OPCML: variants seen among roughly 807,000 people sequenced by gnomAD.
OPCML encodes opioid-binding protein/cell adhesion molecule.
OPCML carries 13 observed loss-of-function variants against 37.8 expected under a neutral mutation model. The observed-to-expected ratio is 0.34, with a 90% confidence interval of 0.22 to 0.55. OPCML has a LOEUF of 0.55. Ranked by LOEUF, OPCML falls within the 20% of genes least tolerant of loss-of-function variation. The pLI is 0.91. For synonymous variants in OPCML, 176 were observed against 168.8 expected, an observed-to-expected ratio of 1.04 and a Z score of -0.33; for missense variants, 341 against 435.6, an observed-to-expected ratio of 0.78 and a Z score of 1.93.
chr11:132,653,790 G>T (rs1198908835), intron 3 of OPCML, among the ~76,000 whole-genome samples: 1 of 152,178 alleles, frequency 6.6e-6, no homozygotes, highest in East Asian at 1.9e-4. Flanking sequence ...TCTGCTGATG[G>T]CATCTGGTTG....
chr11:133,315,529 T>G (rs1943185273), intron 1 of OPCML, among the ~76,000 whole-genome samples: 1 of 152,256 alleles, frequency 6.6e-6, no homozygotes. Flanking sequence ...CTGGGTGTGG[T>G]GGCTCACGCC....
At position 133,309,095 on chromosome 11, in the gene OPCML, G is replaced by T. The variant is rs181681067; in HGVS notation, c.61+223169C>A. 6.1e-4 allele frequency among the ~76,000 whole-genome samples: 93 copies of T among 152,258 alleles called. 1 individual carries two copies. Among genetic ancestry groups the T allele is most frequent in the African/African-American group, 2.2e-3 (92 of 41,562 alleles). ...GAAGTTTACAGTAATGATTGCTTCAGACAAGAACCACTGATGAATACTCAA... is the reference window on the plus strand; with the variant it reads ...GAAGTTTACAGTAATGATTGCTTCATACAAGAACCACTGATGAATACTCAA... On this transcript the variant is annotated intron_variant, in intron 1 of 7. Transcript: ENST00000524381.
chr11:133,457,628 T>C (rs528715426), intron 1 of OPCML, among the ~76,000 whole-genome samples: 1 of 152,162 alleles, frequency 6.6e-6, no homozygotes, highest in South Asian at 2.1e-4. Context: ...ACCATATATA[T>C]ATATGGTCTC....
intron 1 of OPCML, among the ~76,000 whole-genome samples, chr11:133,392,276 A>G (rs982620547): frequency 6.6e-6 from 1 of 152,214 alleles, no homozygotes. Context: ...ATAAGATCAC[A>G]CAGTGAGAGA....
At chr11:133,071,659 G>T (rs1289007407) in intron 1 of OPCML, among the ~76,000 whole-genome samples, 1 of 152,198 alleles carries the variant, frequency 6.6e-6, no homozygotes. Context: ...GAGGTTAGAA[G>T]TGGAACAAGT....
intron 2 of OPCML, among the ~76,000 whole-genome samples, chr11:132,819,870 T>C (rs1939870662): frequency 6.6e-6 from 1 of 152,184 alleles, no homozygotes; most frequent in Admixed American, 6.5e-5. Flanking sequence ...TGGAGGCTGC[T>C]GTGCTGTTTG....
intron 4 of OPCML, among the ~76,000 whole-genome samples, chr11:132,453,858 C>T (rs2096074727): frequency 6.6e-6 from 1 of 152,182 alleles, no homozygotes; most frequent in South Asian, 2.1e-4. Flanking sequence ...CTGGAATTCA[C>T]ACTGCAGGTT....
chr11:132,838,906 T>C (rs747141900), intron 2 of OPCML, among the ~76,000 whole-genome samples: 33 of 152,286 alleles, frequency 2.2e-4, no homozygotes, highest in Non-Finnish European at 4.4e-4. Flanking sequence ...AGCCGATATA[T>C]GCTTGTTAAT....
intron 1 of OPCML, among the ~76,000 whole-genome samples, chr11:133,135,219 A>G (rs1949669050): frequency 6.6e-6 from 1 of 152,168 alleles, no homozygotes; most frequent in African/African-American, 2.4e-5. Flanking sequence ...ATTCATAACA[A>G]TAAATAACAG....
At chr11:132,502,138 C>G (rs1175469243) in intron 4 of OPCML, among the ~76,000 whole-genome samples, 2 of 152,190 alleles carry the variant, frequency 1.3e-5, no homozygotes, top group Non-Finnish European at 1.5e-5. Flanking sequence ...CCCAGAGGAT[C>G]TGTCACCTTT....
At chr11:132,508,556 A>G (rs925905653) in intron 4 of OPCML, among the ~76,000 whole-genome samples, 4 of 152,204 alleles carry the variant, frequency 2.6e-5, no homozygotes, top group Non-Finnish European at 4.4e-5. Flanking sequence ...CTTGCATTGT[A>G]TCTCCCAGAA....
chr11:132,866,495 G>C (rs186463731), intron 2 of OPCML, among the ~76,000 whole-genome samples: 3 of 152,218 alleles, frequency 2.0e-5, no homozygotes, highest in Non-Finnish European at 1.5e-5. Context: ...GTTTTTTGTC[G>C]ATTTTTGACT....
chr11:133,180,838 CAA>C (rs34333844), intron 1 of OPCML, among the ~76,000 whole-genome samples: 46 of 93,516 alleles, frequency 4.9e-4, no homozygotes, highest in Middle Eastern at 9.1e-3. Flanking sequence ...CTCAGCAAAG[CAA>C]AAAAAAAAAA....
At chr11:133,487,794 T>C (rs1947561423) in intron 1 of OPCML, among the ~76,000 whole-genome samples, 1 of 151,798 alleles carries the variant, frequency 6.6e-6, no homozygotes, top group South Asian at 2.1e-4. Context: ...TGTGTGTGTG[T>C]GTGTGTGTGC....
intron 1 of OPCML, among the ~76,000 whole-genome samples, chr11:133,259,437 C>A (rs1196063743): frequency 6.6e-6 from 1 of 152,172 alleles, no homozygotes; most frequent in Non-Finnish European, 1.5e-5. Flanking sequence ...AGTGAGGTTA[C>A]AAAGTGAATG....
chr11:133,185,840 G>A (rs542639584), intron 1 of OPCML, among the ~76,000 whole-genome samples: 1 of 152,276 alleles, frequency 6.6e-6, no homozygotes, highest in East Asian at 1.9e-4. Flanking sequence ...TACAGATGTA[G>A]AAACTTAAAT....
chr11:133,434,431 C>A (rs1380623573), intron 1 of OPCML, among the ~76,000 whole-genome samples: 10 of 148,344 alleles, frequency 6.7e-5, no homozygotes, highest in African/African-American at 2.5e-4. Flanking sequence ...TATATCAGAC[C>A]TTGCTCATTT....
chr11:132,665,453 C>T (rs1359989348), intron 2 of OPCML, among the ~76,000 whole-genome samples: 4 of 152,080 alleles, frequency 2.6e-5, no homozygotes, highest in Non-Finnish European at 5.9e-5. Context: ...CAGCTCAGAA[C>T]AGAGTATCTG....
At chr11:132,505,118 T>C (rs2137144870) in intron 4 of OPCML, among the ~76,000 whole-genome samples, 2 of 152,264 alleles carry the variant, frequency 1.3e-5, no homozygotes, top group South Asian at 4.1e-4. Flanking sequence ...TGCAGCCTAA[T>C]AAATATTTGA....
Sources: gnomAD v4.1 joint callset for allele counts (sites outside exome capture counted in the v4.1 genomes callset) on GRCh38, gnomAD v4.1.1 for gene constraint, MANE v1.5 for transcripts, NCBI Gene and HGNC (gene_info 2026-07-23, HGNC 2026-07-21) for gene names.